Variants in GPR89A observed in about 807,000 individuals in gnomAD.
The protein encoded by GPR89A is golgi pH regulator A, also known as G protein-coupled receptor 89A.
Under a neutral mutation model 52.0 loss-of-function variants are expected in GPR89A, and 16 were observed. The observed-to-expected ratio is 0.31, with a 90% CI of 0.21 to 0.47. The LOEUF is 0.47. Among genes scored for constraint, GPR89A ranks in the 20% least tolerant of loss-of-function variants. The pLI, the probability that GPR89A is intolerant of heterozygous loss-of-function variation, is 1.00. For synonymous variants in GPR89A, 55 were observed against 150.9 expected (o/e 0.36, Z 4.66); for missense variants, 135 against 449.4 (o/e 0.30, Z 6.33).
At chr1:145,663,246 G>A in intron 10 of GPR89A, 83 bp from the exon 11 acceptor site, 2 of 1,608,258 alleles carry the variant, frequency 1.2e-6, no homozygotes, top group South Asian at 2.2e-5. Context: ...ATGTTACAGT[G>A]ATTAATTCAT....
At chr1:145,612,360 C>G (rs587737245) in intron 1 of GPR89A, 1 of 152,084 alleles carries the variant, frequency 6.6e-6, no homozygotes, top group East Asian at 1.9e-4. Context: ...TCCCCTACTC[C>G]GGTTTAAAGC....
chr1:145,656,631 TTTAA>T (rs587697659), intron 10 of GPR89A, among the ~76,000 whole-genome samples: 114 of 152,318 alleles, frequency 7.5e-4, no homozygotes, highest in African/African-American at 2.4e-3. Context: ...TTGCCAGTGT[TTTAA>T]TTAAGTTGTT....
At chr1:145,640,552 A>G (rs1553691588) in intron 7 of GPR89A, among the ~76,000 whole-genome samples, 2 of 108,848 alleles carry the variant, frequency 1.8e-5, no homozygotes, top group Admixed American at 1.0e-4. Context: ...ATAATTAGCC[A>G]GGCGTGGTGG....
In GPR89A at chr1:145,635,279, G is replaced by A. The variant is rs2797007; in HGVS notation, c.617+3535G>A. On this transcript the variant is annotated intron_variant, in intron 7 of 13. Transcript: ENST00000313835. Reference sequence around the variant, plus strand: ...AAAGTAGCCGGGCGTGGTGGTGGGCGCCTGTAGTCCCAGCTACTCGGGAGG... The same window carrying A: ...AAAGTAGCCGGGCGTGGTGGTGGGCACCTGTAGTCCCAGCTACTCGGGAGG... 3.3e-3 allele frequency among the ~76,000 whole-genome samples: 506 copies of A among 152,244 alleles called. 1 individual carries two copies. Among genetic ancestry groups the A allele is most frequent in the African/African-American group, 0.012 (492 of 41,540 alleles).
chr1:145,670,495 A>G lies in GPR89A; in HGVS notation c.*455A>G, dbSNP rs1652926481. 3.9e-6 allele frequency: 1 copy of G among 258,678 alleles called. No individual in the cohort carries two copies. Among genetic ancestry groups the G allele is most frequent in the Admixed American group, 5.1e-5 (1 of 19,448 alleles). The allele number at this position is 258,678 out of a possible 1,614,324, so 16.0% of individuals were successfully genotyped here. A position where few individuals can be genotyped will look rare whatever the true frequency, so the allele number is the denominator to read the frequency against. ...GCCTTACGTTCATTTTATCAAGCAT[A>G]GCTTGGTATTTATTATGCTTGTGTG... On this transcript the variant is annotated 3_prime_UTR_variant, in exon 14 of 14. Coordinates refer to ENST00000313835, the MANE Select transcript of GPR89A (RefSeq NM_001097612.2).
In GPR89A at chr1:145,618,407, G is replaced by GGA; in HGVS notation, c.192_193dup (p.Val65GlufsTer3). On this transcript the variant is annotated frameshift_variant, in exon 3 of 14. Coordinates refer to ENST00000313835, the MANE Select transcript of GPR89A (RefSeq NM_001097612.2). LOFTEE classifies it high-confidence loss of function. Reference sequence around the variant, plus strand: ...TGAGCTCATCATCTTTGAAATCTTAGGAGTATTGAATAGCAGGTGAGTAAG... The same window carrying GGA: ...TGAGCTCATCATCTTTGAAATCTTAGGAGAGTATTGAATAGCAGGTGAGTAAG... 1 of 1,427,120 alleles carries GGA rather than the reference G, an allele frequency of 7.0e-7. No individual in the cohort carries two copies. Among genetic ancestry groups the GGA allele is most frequent in the East Asian group, 2.5e-5 (1 of 40,276 alleles). The allele number at this position is 1,427,120 out of a possible 1,614,324, so 88.4% of individuals were successfully genotyped here.
chr1:145,608,466 C>G (rs1279188808), intron 1 of GPR89A: 4 of 627,542 alleles, frequency 6.4e-6, no homozygotes, highest in African/African-American at 5.6e-5. Context: ...GCCGGCGCCG[C>G]CAGCTAAGGC....
At chr1:145,654,898 C>T (rs189310343) in intron 10 of GPR89A, among the ~76,000 whole-genome samples, 18 of 151,856 alleles carry the variant, frequency 1.2e-4, no homozygotes, top group South Asian at 2.1e-4. Context: ...CAACTTGAAA[C>T]GGTTCCGTTC....
chr1:145,612,857 G>T (rs1648398970), intron 1 of GPR89A, among the ~76,000 whole-genome samples: 2 of 150,978 alleles, frequency 1.3e-5, no homozygotes, highest in South Asian at 2.1e-4. Context: ...CTCATTCCTG[G>T]CTCTCCCTAG....
At chr1:145,651,575 ATTAC>A (rs1651447788) in intron 10 of GPR89A, among the ~76,000 whole-genome samples, 1 of 136,086 alleles carries the variant, frequency 7.3e-6, no homozygotes, top group Non-Finnish European at 1.6e-5. Flanking sequence ...GAATTTATAA[ATTAC>A]TTTGGGCAGT....
intron 10 of GPR89A, among the ~76,000 whole-genome samples, chr1:145,660,425 C>T (rs1209043417): frequency 1.3e-5 from 2 of 152,094 alleles, no homozygotes; most frequent in Admixed American, 1.3e-4. Context: ...ATACCAAAAG[C>T]AATGGCAACA....
intron 10 of GPR89A, among the ~76,000 whole-genome samples, chr1:145,649,074 G>A (rs1651263726): frequency 1.3e-5 from 2 of 152,282 alleles, no homozygotes; most frequent in South Asian, 2.1e-4. Flanking sequence ...AAAGTGCTGG[G>A]ATTACAGGCG....
chr1:145,667,292 A>G (rs1553696632), intron 12 of GPR89A, among the ~76,000 whole-genome samples: 1 of 152,120 alleles, frequency 6.6e-6, no homozygotes. Flanking sequence ...CTGGTGTGAG[A>G]TGGTATCTCA....
chr1:145,636,048 TG>T (rs1650219042), intron 7 of GPR89A, among the ~76,000 whole-genome samples: 1 of 152,190 alleles, frequency 6.6e-6, no homozygotes, highest in African/African-American at 2.4e-5. Context: ...GAATTGACTC[TG>T]ATCTATACAT....
intron 7 of GPR89A, among the ~76,000 whole-genome samples, chr1:145,639,970 C>G (rs587633061): frequency 6.6e-6 from 1 of 152,136 alleles, no homozygotes; most frequent in African/African-American, 2.4e-5. Flanking sequence ...GTAATCCCAG[C>G]ACTTTGGGAA....
At chr1:145,647,437 T>G (rs1167945790) in intron 10 of GPR89A, among the ~76,000 whole-genome samples, 170 bp downstream of exon 10, 1 of 152,174 alleles carries the variant, frequency 6.6e-6, no homozygotes, top group Admixed American at 6.5e-5. Flanking sequence ...TCTCTCCTTT[T>G]TAGATTACAT....
At chr1:145,611,686 ATTT>A (rs1351241704) in intron 1 of GPR89A, 18 of 144,720 alleles carry the variant, frequency 1.2e-4, no homozygotes, top group Admixed American at 1.2e-3. Flanking sequence ...AATCTTGGTG[ATTT>A]TTTTTTTAAT....
At chr1:145,656,077 CACTGT>C (rs1221707064) in intron 10 of GPR89A, among the ~76,000 whole-genome samples, 1 of 152,106 alleles carries the variant, frequency 6.6e-6, no homozygotes, top group Non-Finnish European at 1.5e-5. Flanking sequence ...CTGCCACTAC[CACTGT>C]GCTGTGCTGT....
chr1:145,659,201 T>C (rs1384435651), intron 10 of GPR89A, among the ~76,000 whole-genome samples: 1 of 152,090 alleles, frequency 6.6e-6, no homozygotes, highest in African/African-American at 2.4e-5. Context: ...TATTTATTTA[T>C]TGAGGTGGAG....
Sources: allele counts gnomAD v4.1 joint callset (sites outside exome capture counted in the v4.1 genomes callset), GRCh38; gene constraint gnomAD v4.1.1; transcripts MANE v1.5; gene names NCBI Gene and HGNC (gene_info 2026-07-23, HGNC 2026-07-21).